PI4KA: variants seen among roughly 807,000 people sequenced by gnomAD.
PI4KA encodes PI4-kinase alpha.
Under a neutral mutation model 271.4 loss-of-function variants are expected in PI4KA, and 122 were observed. The observed-to-expected ratio is 0.45, with a 90% confidence interval of 0.39 to 0.52. The LOEUF is 0.52. Ranked by LOEUF, PI4KA falls within the 20% of genes least tolerant of loss-of-function variation. PI4KA has a pLI of 0.00. For missense variants in PI4KA, 1,969 were observed against 2,769.1 expected, an observed-to-expected ratio of 0.71 and a Z score of 6.48; for synonymous variants, 1,041 against 1,078.8, an observed-to-expected ratio of 0.96 and a Z score of 0.69.
intron 22 of PI4KA, among the ~76,000 whole-genome samples, chr22:20,761,942 A>G (rs1318182356): frequency 6.6e-6 from 1 of 152,192 alleles, no homozygotes; most frequent in Non-Finnish European, 1.5e-5. Flanking sequence ...TTAAGAGGCC[A>G]TTAACAGTAG....
Position 20,707,846 on chromosome 22 carries a change from C to T in PI4KA, c.*201G>A, listed in dbSNP as rs1924695810. The T allele has an allele frequency of 1.5e-6, 1 of 676,306 alleles. No individual in the cohort carries two copies. The highest frequency in any genetic ancestry group is 2.2e-5 in the Admixed American group (1 of 44,544). The allele number at this position is 676,306 out of a possible 1,614,324, so 41.9% of individuals were successfully genotyped here. ...ACTCACACCTGTGCATAGACAGCAC[C>T]ATCCATTGATTGTCGCTGCAGTCCA... is the stretch of plus-strand genomic sequence containing the variant. On this transcript the variant is annotated 3_prime_UTR_variant, in exon 55 of 55. Transcript: ENST00000255882.
At chr22:20,713,514 A>C (rs1925598247) in intron 47 of PI4KA, 124 bp from the exon 48 acceptor site, 1 of 762,960 alleles carries the variant, frequency 1.3e-6, no homozygotes, top group Admixed American at 2.4e-5. Context: ...CACTTCTTCA[A>C]AACCCCAAGG....
chr22:20,813,316 T>TTAC, intron 8 of PI4KA, 42 bp downstream of exon 8: 1 of 1,086,812 alleles, frequency 9.2e-7, no homozygotes, highest in Non-Finnish European at 1.3e-6. Context: ...GCAATTTTAC[T>TTAC]GACATATCCA....
chr22:20,804,069 C>G (rs552863909), intron 12 of PI4KA, among the ~76,000 whole-genome samples: 1 of 152,356 alleles, frequency 6.6e-6, no homozygotes, highest in South Asian at 2.1e-4. Flanking sequence ...CAACGGAGAA[C>G]TGAAGCCAGC....
chr22:20,768,936 G>A (rs1463069521), intron 19 of PI4KA, among the ~76,000 whole-genome samples: 1 of 152,170 alleles, frequency 6.6e-6, no homozygotes, highest in Non-Finnish European at 1.5e-5. Flanking sequence ...ACGCAACTGT[G>A]GGACTGACTG....
intron 19 of PI4KA, chr22:20,786,107 A>G (rs999413003): frequency 2.5e-6 from 4 of 1,614,116 alleles, no homozygotes; most frequent in Non-Finnish European, 3.4e-6. Context: ...CAAAAATGGC[A>G]ACATGGCAGG....
chr22:20,851,547 A>T (rs1926982368), intron 1 of PI4KA, among the ~76,000 whole-genome samples: 1 of 152,142 alleles, frequency 6.6e-6, no homozygotes, highest in Admixed American at 6.6e-5. Context: ...CATGTTGGCC[A>T]GGCTGGTCTC....
rs578181199 is a variant in PI4KA, at chr22:20,711,754, G to A, written c.5803-293C>T. 4.0e-5 allele frequency among the ~76,000 whole-genome samples: 6 copies of A among 150,266 alleles called. No homozygotes were observed. The East Asian group carries it at 1.2e-3, about 29-fold the overall frequency. On this transcript the variant is annotated intron_variant, in intron 50 of 54. Transcript: ENST00000255882. ...CAAAGTGGCTTACAGATGCCCTGGT[G>A]TTTTTTTTTTAAATGGAGTCTCGCT...
intron 19 of PI4KA, among the ~76,000 whole-genome samples, chr22:20,766,434 T>G (rs1601439840): frequency 6.6e-6 from 1 of 151,958 alleles, no homozygotes; most frequent in Non-Finnish European, 1.5e-5. Flanking sequence ...GAGGCCGAGG[T>G]GGGCAGATCA....
At position 20,712,504 on chromosome 22, in the gene PI4KA, G is replaced by A. The variant is rs1434293899; in HGVS notation, c.5784C>T (p.Ser1928=). The part of the protein sequence containing the change: ...DYFTRQYGDE[S]TLAFQQARYN... The stretch of plus-strand genomic sequence containing the variant: ...TGGCTACCTGCTGGAAGGCCAGAGT[G>A]GACTCATCCCCGTACTGGCGTGTGA... Residue 1928 remains serine (S), a synonymous_variant, in exon 50 of 55, where the codon TCC becomes TCT. Coordinates refer to ENST00000255882, the MANE Select transcript of PI4KA (RefSeq NM_058004.4). 2 of 1,606,522 alleles carry A rather than the reference G, an allele frequency of 1.2e-6. No homozygotes were observed. The highest frequency in any genetic ancestry group is 1.7e-6 in the Non-Finnish European group (2 of 1,177,462).
rs1929604614 is a variant in PI4KA, at chr22:20,742,654, G to A, written c.3567C>T (p.Tyr1189=). The A allele has an allele frequency of 6.2e-7, 1 of 1,614,152 alleles. No individual in the cohort carries two copies. Among genetic ancestry groups the A allele is most frequent in the African/African-American group, 1.3e-5 (1 of 75,044 alleles). ...CGGTCAGCTTGAACATGGCCTGCGTGTAGTGCTGAGGATGACTGCGGTCTA... is the reference window on the plus strand; with the variant it reads ...CGGTCAGCTTGAACATGGCCTGCGTATAGTGCTGAGGATGACTGCGGTCTA... The part of the protein sequence containing the change: ...SALDRSHPQH[Y]TQAMFKLTAM... Residue 1189 remains tyrosine (Y), a synonymous_variant, in exon 31 of 55, where the codon TAC becomes TAT. Coordinates refer to ENST00000255882, the MANE Select transcript of PI4KA (RefSeq NM_058004.4).
intron 4 of PI4KA, 33 bp from the exon 5 acceptor site, chr22:20,820,644 CAT>C: frequency 7.1e-7 from 1 of 1,405,080 alleles, no homozygotes; most frequent in Non-Finnish European, 9.9e-7. Context: ...AAAAAAAAAA[CAT>C]AAACAAAATT....
intron 1 of PI4KA, among the ~76,000 whole-genome samples, chr22:20,854,629 T>G (rs1180005073): frequency 6.6e-6 from 1 of 152,122 alleles, no homozygotes; most frequent in Non-Finnish European, 1.5e-5. Context: ...AGCTGAGATG[T>G]GAGGTCTGGT....
At chr22:20,795,084 CAGGG>C (rs1934899273) in intron 18 of PI4KA, among the ~76,000 whole-genome samples, 2 of 152,124 alleles carry the variant, frequency 1.3e-5, no homozygotes, top group Middle Eastern at 3.2e-3. Context: ...AATGACAAAA[CAGGG>C]TGGAAGTAGA....
chr22:20,765,204 A>G lies in PI4KA; in HGVS notation c.2470T>C (p.Cys824Arg). 6.2e-7 allele frequency: 1 copy of G among 1,613,784 alleles called. No homozygotes were observed. Among genetic ancestry groups the G allele is most frequent in the Non-Finnish European group, 8.5e-7 (1 of 1,179,818 alleles). ...LWPEEWYEGV[C>R]EIATKSPLLT... ...AAGGGGGACTTAGTGGCTATTTCACAGACCCCCTCGTACCATTCTTCTGGC... is the reference window on the plus strand; with the variant it reads ...AAGGGGGACTTAGTGGCTATTTCACGGACCCCCTCGTACCATTCTTCTGGC... Residue 824 changes from cysteine to arginine, a missense_variant, in exon 21 of 55, where the codon TGT becomes CGT. Coordinates refer to ENST00000255882, the MANE Select transcript of PI4KA (RefSeq NM_058004.4).
intron 3 of PI4KA, among the ~76,000 whole-genome samples, chr22:20,825,900 T>C (rs1026398009): frequency 1.3e-5 from 2 of 152,290 alleles, no homozygotes; most frequent in East Asian, 1.9e-4. Flanking sequence ...CACTCTTAAG[T>C]AGGCCCCAGT....
intron 27 of PI4KA, 78 bp from the exon 28 acceptor site, chr22:20,750,072 A>G (rs1012790486): frequency 1.1e-6 from 1 of 916,574 alleles, no homozygotes; most frequent in Non-Finnish European, 1.8e-6. Context: ...CATGGGCTGA[A>G]CTATGTCTCC....
At chr22:20,856,765 TTACTACAAAGC>T (rs1415289950) in intron 1 of PI4KA, among the ~76,000 whole-genome samples, 2 of 152,216 alleles carry the variant, frequency 1.3e-5, no homozygotes, top group African/African-American at 4.8e-5. Flanking sequence ...GAAGCAGTTA[TTACTACAAAGC>T]TAAGAATGTT....
chr22:20,853,528 T>C (rs1197963745), intron 1 of PI4KA, among the ~76,000 whole-genome samples: 2 of 152,234 alleles, frequency 1.3e-5, no homozygotes, highest in Non-Finnish European at 2.9e-5. Flanking sequence ...CTTTCTTGCC[T>C]ATTTTTTTCT....
Sources: gnomAD v4.1 joint callset for allele counts (sites outside exome capture counted in the v4.1 genomes callset) on GRCh38, gnomAD v4.1.1 for gene constraint, MANE v1.5 for transcripts, NCBI Gene and HGNC (gene_info 2026-07-23, HGNC 2026-07-21) for gene names.